Variants in ADAMTS7 observed in about 807,000 individuals in gnomAD.
The protein encoded by ADAMTS7 is ADAM metallopeptidase with thrombospondin type 1 motif 7, also known as A disintegrin and metalloproteinase with thrombospondin motifs 7.
In ADAMTS7, 89 loss-of-function variants were observed where a neutral mutation model predicts 172.6. The observed-to-expected ratio is 0.52, with a 90% CI of 0.43 to 0.61. ADAMTS7 has a LOEUF of 0.61. Among genes scored for constraint, ADAMTS7 ranks in the 20% least tolerant of loss-of-function variants. ADAMTS7 has a pLI of 0.00. For missense variants in ADAMTS7, 1,973 were observed against 2,355.6 expected (o/e 0.84, Z 3.36); for synonymous variants, 885 against 978.4 (o/e 0.90, Z 1.78).
chr15:78,798,620 C>T (rs554741863), intron 2 of ADAMTS7, among the ~76,000 whole-genome samples: 77 of 152,284 alleles, frequency 5.1e-4, no homozygotes, highest in African/African-American at 1.8e-3. Context: ...CACACCCGAG[C>T]GGAGGAGATG....
At chr15:78,784,578 G>A (rs537039071) in intron 8 of ADAMTS7, among the ~76,000 whole-genome samples, 50 of 152,246 alleles carry the variant, frequency 3.3e-4, no homozygotes, top group African/African-American at 1.1e-3. Context: ...AACAGTTCAA[G>A]AACTGAAGGG....
intron 1 of ADAMTS7, among the ~76,000 whole-genome samples, chr15:78,810,142 C>T (rs1283155556): frequency 1.3e-5 from 2 of 152,208 alleles, no homozygotes. Context: ...TAATCCAGTC[C>T]CCCGACTGAT....
At position 78,811,350 on chromosome 15, in the gene ADAMTS7, G is replaced by T; in HGVS notation, c.-130C>A. Reference sequence around the variant, plus strand: ...GTGCAGCTCCCGGCGACCCGGCCCCGACTCCGTTCGGCTGCGCTCGGTCCG... The same window carrying T: ...GTGCAGCTCCCGGCGACCCGGCCCCTACTCCGTTCGGCTGCGCTCGGTCCG... On this transcript the variant is annotated 5_prime_UTR_variant, in exon 1 of 24. Transcript: ENST00000388820. 1 of 1,119,234 alleles carries T rather than the reference G, an allele frequency of 8.9e-7. No individual in the cohort carries two copies. The highest frequency in any genetic ancestry group is 1.1e-6 in the Non-Finnish European group (1 of 890,406). 69.3% of individuals were successfully genotyped at this position (1,119,234 alleles called of 1,614,324 possible).
At chr15:78,763,101 A>T (rs1464964864) in intron 22 of ADAMTS7, among the ~76,000 whole-genome samples, 1 of 152,158 alleles carries the variant, frequency 6.6e-6, no homozygotes, top group Non-Finnish European at 1.5e-5. Context: ...GCGTTCCTTC[A>T]TTTAATCCTC....
chr15:78,785,225 A>G (rs1408636698), intron 8 of ADAMTS7, among the ~76,000 whole-genome samples: 1 of 152,146 alleles, frequency 6.6e-6, no homozygotes, highest in African/African-American at 2.4e-5. Context: ...AGCAATGAAA[A>G]CCAAGCAAAT....
intron 1 of ADAMTS7, among the ~76,000 whole-genome samples, chr15:78,807,169 C>G (rs919623222): frequency 2.0e-5 from 3 of 152,194 alleles, no homozygotes; most frequent in Admixed American, 6.5e-5. Flanking sequence ...GGCACTGATG[C>G]CAACCAGCTC....
At chr15:78,807,951 C>G (rs777521469) in intron 1 of ADAMTS7, among the ~76,000 whole-genome samples, 16 of 151,620 alleles carry the variant, frequency 1.1e-4, no homozygotes, top group Non-Finnish European at 2.2e-4. Context: ...ACCTCCTGGG[C>G]TCATGCAATC....
chr15:78,766,669 G>A lies in ADAMTS7; in HGVS notation c.3242C>T (p.Ser1081Phe). 2.5e-6 allele frequency: 4 copies of A among 1,610,922 alleles called. No homozygotes were observed. Among genetic ancestry groups the A allele is most frequent in the East Asian group, 2.2e-5 (1 of 44,880 alleles). The change falls in exon 19 of 24, where the codon TCT (serine) becomes TTT (phenylalanine). Residue 1081 changes from serine to phenylalanine, a missense_variant. By Grantham distance (155) the Ser-to-Phe change is radical (BLOSUM62 -2). This residue lies in a region of ADAMTS7 where 771 missense variants were observed against 952.6 expected (regional missense o/e 0.81). Transcript: ENST00000388820. ...NFHEDLSYGP[S>F]EEPDLDLAGT... ...CGCCAGGTCTAGATCGGGCTCCTCA[G>A]AGGGCCCGTAGGACAGATCCTCGTG...
At chr15:78,810,774 C>T (rs2055855859) in intron 1 of ADAMTS7, 1 of 203,492 alleles carries the variant, frequency 4.9e-6, no homozygotes, top group Non-Finnish European at 9.8e-6. Flanking sequence ...GTAAACCGCG[C>T]TCCGTCCAGC....
At chr15:78,789,073 C>T (rs566513542) in intron 7 of ADAMTS7, among the ~76,000 whole-genome samples, 6 of 152,228 alleles carry the variant, frequency 3.9e-5, no homozygotes, top group African/African-American at 9.6e-5. Flanking sequence ...GAAACCCGGA[C>T]GTCTGAATGG....
At chr15:78,770,754 G>A (rs2055234950) in intron 16 of ADAMTS7, 2 of 187,068 alleles carry the variant, frequency 1.1e-5, no homozygotes, top group East Asian at 1.4e-4. Context: ...CAGAGAGAGA[G>A]GGGACTGAGG....
Position 78,798,041 on chromosome 15 carries a change from G to A in ADAMTS7, c.529C>T (p.His177Tyr), listed in dbSNP as rs1198962297. 6.4e-7 allele frequency: 1 copy of A among 1,569,988 alleles called. No individual in the cohort carries two copies. The highest frequency in any genetic ancestry group is 8.6e-7 in the Non-Finnish European group (1 of 1,165,260). The part of the protein sequence containing the change: ...PLDSAPARPG[H>Y]AQPHVVYKRQ... ...TTGTACACCACATGGGGCTGGGCGT[G>A]GCCAGGCCGGGCCGGGGCACTGTCC... Residue 177 changes from histidine to tyrosine, a missense_variant, in exon 3 of 24, where the codon CAC becomes TAC. Physicochemically the swap from His to Tyr is moderately conservative, Grantham distance 83. Around this residue, in one of 8 missense-constraint regions of ADAMTS7, gnomAD observed 306 missense variants for 288.0 expected, o/e 1.06. Coordinates refer to ENST00000388820, the MANE Select transcript of ADAMTS7 (RefSeq NM_014272.5).
In ADAMTS7 at chr15:78,785,523, G is replaced by A. The variant is rs563954385; in HGVS notation, c.1322+2708C>T. 3.7e-3 allele frequency among the ~76,000 whole-genome samples: 551 copies of A among 148,272 alleles called. 3 individuals are homozygous for A. Among genetic ancestry groups the A allele is most frequent in the Non-Finnish European group, 6.5e-3 (440 of 67,410 alleles). Reference sequence around the variant, plus strand: ...GAGATTGCACCACTGTACTCCAGCTGGAGCAGCAGAGTGAGAGTCTCTCAA... The same window carrying A: ...GAGATTGCACCACTGTACTCCAGCTAGAGCAGCAGAGTGAGAGTCTCTCAA... On this transcript the variant is annotated intron_variant, in intron 8 of 23. Transcript: ENST00000388820.
At position 78,765,643 on chromosome 15, in the gene ADAMTS7, G is replaced by A; in HGVS notation, c.4266+2C>T. ...CCTGCCCGCCCAGCCCACACCACTT[G>A]CCTCGCTCCAGTTTCCCGCTTGCCA... On this transcript the variant is annotated splice_donor_variant, in intron 19 of 23. Transcript: ENST00000388820. LOFTEE classifies it low-confidence loss of function (GC_TO_GT_DONOR). 6.2e-7 allele frequency: 1 copy of A among 1,605,196 alleles called. No individual in the cohort carries two copies. Among genetic ancestry groups the A allele is most frequent in the Non-Finnish European group, 8.5e-7 (1 of 1,176,028 alleles).
At chr15:78,779,283 G>GCTCT (rs1276941337) in intron 8 of ADAMTS7, among the ~76,000 whole-genome samples, 1 of 152,158 alleles carries the variant, frequency 6.6e-6, no homozygotes, top group African/African-American at 2.4e-5. Flanking sequence ...GGTGCTGGGG[G>GCTCT]CATACCCTCT....
At position 78,763,766 on chromosome 15, in the gene ADAMTS7, C is replaced by T. The variant is rs2055088705; in HGVS notation, c.4673G>A (p.Arg1558Lys). 6.3e-7 allele frequency: 1 copy of T among 1,598,468 alleles called. No individual in the cohort carries two copies. The highest frequency in any genetic ancestry group is 1.1e-5 in the South Asian group (1 of 89,706). The change falls in exon 22 of 24, where the codon AGA (arginine) becomes AAA (lysine). Residue 1558 changes from arginine to lysine, a missense_variant. Arg to Lys is a conservative substitution (Grantham distance 26). This residue lies in a region of ADAMTS7 where 218 missense variants were observed against 216.9 expected (regional missense o/e 1.01). Coordinates refer to ENST00000388820, the MANE Select transcript of ADAMTS7 (RefSeq NM_014272.5). ...PEPGLCEEAL[R>K]PNTTRPCNTH... ...GTTGCAGGGCCGGGTGGTGTTGGGT[C>T]TCAGCGCCTCCTCGCAGAGGCCTGG...
chr15:78,767,205 G>C (rs4887099), intron 18 of ADAMTS7, among the ~76,000 whole-genome samples, 154 bp from the exon 19 acceptor site: 47,473 of 151,988 alleles, frequency 0.31, 8,781 homozygotes, highest in Non-Finnish European at 0.42. Context: ...GGCCATGACT[G>C]TGGCCATGCT....
rs188240843 is a variant in ADAMTS7 at position 78,762,413 on chromosome 15, G to A, written c.4893C>T (p.Val1631=). 13 of 1,482,814 alleles carry A rather than the reference G, an allele frequency of 8.8e-6. No homozygotes were observed. The highest frequency in any genetic ancestry group is 7.1e-5 in the African/African-American group (5 of 69,994). The allele number at this position is 1,482,814 out of a possible 1,614,324, so 91.9% of individuals were successfully genotyped here. A position where few individuals can be genotyped will look rare whatever the true frequency, so the allele number is the denominator to read the frequency against. The part of the protein sequence containing the change: ...RPCGTEDCEP[V]EPPRCERDRL... ...GGTCAGGGGACTCACGGGGAGGCTC[G>A]ACGGGCTCACAATCCTCGGTGCCAC... is the stretch of plus-strand genomic sequence containing the variant. Residue 1631 remains valine, a synonymous_variant, in exon 23 of 24, where the codon GTC becomes GTT. Coordinates refer to ENST00000388820, the MANE Select transcript of ADAMTS7 (RefSeq NM_014272.5).
In ADAMTS7 at chr15:78,759,353, G is replaced by A; in HGVS notation, c.*68C>T. 1 of 1,483,446 alleles carries A rather than the reference G, an allele frequency of 6.7e-7. No homozygotes were observed. The highest frequency in any genetic ancestry group is 9.0e-7 in the Non-Finnish European group (1 of 1,112,938). 91.9% of individuals were successfully genotyped at this position (1,483,446 alleles called of 1,614,324 possible). ...GGTTAGCACCATTAGGGCGCAGGGG[G>A]CGGGAGCTCCGCCACAGCCCGTGGT... is the stretch of plus-strand genomic sequence containing the variant. On this transcript the variant is annotated 3_prime_UTR_variant, in exon 24 of 24. Transcript: ENST00000388820.
Sources: allele counts gnomAD v4.1 joint callset (sites outside exome capture counted in the v4.1 genomes callset), GRCh38; gene constraint gnomAD v4.1.1; regional missense constraint gnomAD v4.1.1; transcripts MANE v1.5; gene names NCBI Gene and HGNC (gene_info 2026-07-23, HGNC 2026-07-21).